The following SH3RF2 variants were observed in gnomAD, a reference collection of about 807,000 sequenced individuals.
SH3RF2 encodes the protein SH3 domain containing ring finger 2.
A neutral mutation model predicts 59.0 loss-of-function variants in SH3RF2; 43 were observed. The observed-to-expected ratio is 0.73, with a 90% CI of 0.57 to 0.94. The LOEUF is 0.94. Ranked by LOEUF, SH3RF2 falls within the 40% of genes least tolerant of loss-of-function variation. The probability of loss-of-function intolerance (pLI) is 0.00; values close to 1 mark genes in which losing one functional copy is unlikely to be tolerated. For synonymous variants in SH3RF2, 391 were observed against 391.5 expected (o/e 1.00, Z 0.01); for missense variants, 930 against 940.1 (o/e 0.99, Z 0.14).
chr5:145,977,458 C>T (rs558452929), intron 2 of SH3RF2, among the ~76,000 whole-genome samples: 76 of 152,128 alleles, frequency 5.0e-4, no homozygotes, highest in Non-Finnish European at 1.0e-4. Flanking sequence ...GTACAAGGTA[C>T]CCAGCCAAGG....
At chr5:146,051,021 G>A (rs1183785325) in intron 7 of SH3RF2, among the ~76,000 whole-genome samples, 2 of 152,212 alleles carry the variant, frequency 1.3e-5, no homozygotes, top group Non-Finnish European at 2.9e-5. Flanking sequence ...GATCACCTGA[G>A]GTCAGGAGTT....
At chr5:146,055,956 TAAA>T (rs759253454) in intron 7 of SH3RF2, 22 bp from the exon 8 acceptor site, 2 of 1,515,728 alleles carry the variant, frequency 1.3e-6, no homozygotes, top group Non-Finnish European at 1.8e-6. Flanking sequence ...TTTCTTCTCT[TAAA>T]AAAAAAATTT....
At chr5:146,061,313 C>T (rs1762882531) in intron 9 of SH3RF2, among the ~76,000 whole-genome samples, 1 of 152,182 alleles carries the variant, frequency 6.6e-6, no homozygotes, top group South Asian at 2.1e-4. Flanking sequence ...ATGCAAAACT[C>T]ATGCTCTTAC....
At chr5:146,067,000 G>A (rs1400776982), downstream of SH3RF2, among the ~76,000 whole-genome samples, 1 of 152,070 alleles carries the variant, frequency 6.6e-6, no homozygotes, top group Non-Finnish European at 1.5e-5. Context: ...CCCAGCTGGG[G>A]ACATACTCTG....
At position 146,063,236 on chromosome 5, in the gene SH3RF2, G is replaced by C. The variant is rs946812289; in HGVS notation, c.*535G>C. On this transcript the variant is annotated 3_prime_UTR_variant, in exon 10 of 10. Coordinates refer to ENST00000359120, the MANE Select transcript of SH3RF2 (RefSeq NM_152550.4). ...GCTGCAAAGGGAGGATTTCTGCGCG[G>C]GGTGTGAGGTGGATACTTTGAACAT... 1 of 153,180 alleles carries C rather than the reference G, an allele frequency of 6.5e-6. No individual in the cohort carries two copies. The highest frequency in any genetic ancestry group is 2.4e-5 in the African/African-American group (1 of 41,426). 9.5% of individuals were successfully genotyped at this position (153,180 alleles called of 1,614,324 possible). A position where few individuals can be genotyped will look rare whatever the true frequency, so the allele number is the denominator to read the frequency against.
At chr5:146,062,393 A>G in intron 9 of SH3RF2, 33 bp from the exon 10 acceptor site, 1 of 1,604,748 alleles carries the variant, frequency 6.2e-7, no homozygotes, top group Non-Finnish European at 8.5e-7. Flanking sequence ...CTCCCACCTC[A>G]CCTGTGTCCA....
rs749452925 is a variant in SH3RF2 at position 146,060,261 on chromosome 5, G to C, written c.1914+37G>C. The C allele has an allele frequency of 8.5e-6, 13 of 1,535,812 alleles. No individual in the cohort carries two copies. In the South Asian group the frequency reaches 1.6e-4, roughly 19 times the overall value. On this transcript the variant is annotated intron_variant, in intron 9 of 9. Coordinates refer to ENST00000359120, the MANE Select transcript of SH3RF2 (RefSeq NM_152550.4). ...GTGACATTGGGGGCCCAACTCTTTC[G>C]ATCCCGTACTATGCATAGTGTCTCA... is the stretch of plus-strand genomic sequence containing the variant.
At chr5:145,950,323 A>G (rs960673279) in intron 2 of SH3RF2, among the ~76,000 whole-genome samples, 3 of 152,112 alleles carry the variant, frequency 2.0e-5, no homozygotes, top group Admixed American at 6.6e-5. Context: ...CCCTTTTGCA[A>G]CCTCATGGAG....
intron 9 of SH3RF2, among the ~76,000 whole-genome samples, chr5:146,070,249 C>T (rs537767879): frequency 1.3e-5 from 2 of 152,254 alleles, no homozygotes; most frequent in South Asian, 2.1e-4. Context: ...CAACTATCAA[C>T]GTGGTTGAGA....
chr5:146,066,752 T>A (rs73313928), downstream of SH3RF2, among the ~76,000 whole-genome samples: 5,297 of 152,250 alleles, frequency 0.035, 311 homozygotes, highest in African/African-American at 0.12. Context: ...CTTAGAGGAA[T>A]TTATTCCTTT....
intron 2 of SH3RF2, among the ~76,000 whole-genome samples, chr5:145,970,001 C>T (rs1173404638): frequency 2.6e-5 from 4 of 152,062 alleles, no homozygotes; most frequent in South Asian, 2.1e-4. Context: ...AGAAGAGATT[C>T]GGGTGCAAAA....
intron 2 of SH3RF2, among the ~76,000 whole-genome samples, chr5:145,953,059 A>G (rs1421858817): frequency 2.0e-5 from 3 of 152,156 alleles, no homozygotes; most frequent in Non-Finnish European, 2.9e-5. Context: ...TGAATTGCAC[A>G]GAAATGGTAA....
Position 146,076,065 on chromosome 5 carries a change from G to A in SH3RF2, c.*34-2395G>A, listed in dbSNP as rs571549196. On this transcript the variant is annotated intron_variant, in intron 9 of 9. Transcript: ENST00000511217. ...TATTAAAATGTCAGTTGATCTTAGA[G>A]TGGAAGTTCTTTCTACATCATTTAG... 2.5e-3 allele frequency among the ~76,000 whole-genome samples: 378 copies of A among 152,260 alleles called. 3 individuals carry two copies. The highest frequency in any genetic ancestry group is 8.9e-3 in the African/African-American group (370 of 41,552).
At chr5:146,064,667 AAAGAAAGAAAGAAAGAAAGAAAGAAAG>A (rs1763014899), downstream of SH3RF2, among the ~76,000 whole-genome samples, 14 of 4,290 alleles carry the variant, frequency 3.3e-3, no homozygotes, top group East Asian at 8.9e-3. Context: ...AGAGAAAGAG[AAAGAAAGAAAGAAAGAAAGAAAGAAAG>A]AAAGAAAGAA....
chr5:145,989,026 T>G (rs950813570), intron 2 of SH3RF2, among the ~76,000 whole-genome samples: 2 of 152,196 alleles, frequency 1.3e-5, no homozygotes, highest in African/African-American at 4.8e-5. Context: ...TTTTGACCCC[T>G]TACCTTATCA....
chr5:145,982,434 C>T (rs1187036044), intron 2 of SH3RF2, among the ~76,000 whole-genome samples: 1 of 152,210 alleles, frequency 6.6e-6, no homozygotes, highest in African/African-American at 2.4e-5. Context: ...CGAGAGGAGG[C>T]AAGCACTTGC....
chr5:145,954,398 G>A (rs1758312971), intron 2 of SH3RF2, among the ~76,000 whole-genome samples: 1 of 152,084 alleles, frequency 6.6e-6, no homozygotes, highest in African/African-American at 2.4e-5. Context: ...CTTTTTAATA[G>A]GGTTGTTTGT....
chr5:146,007,605 G>A (rs891506313), intron 4 of SH3RF2, among the ~76,000 whole-genome samples: 1 of 152,122 alleles, frequency 6.6e-6, no homozygotes, highest in African/African-American at 2.4e-5. Context: ...TCTGGGCTGG[G>A]GGGGAAGGCA....
intron 2 of SH3RF2, among the ~76,000 whole-genome samples, chr5:145,940,301 T>C (rs1354469194): frequency 6.6e-6 from 1 of 152,192 alleles, no homozygotes; most frequent in African/African-American, 2.4e-5. Context: ...GTCCTAACTA[T>C]CCTTTCTTGA....
Sources: gnomAD v4.1 joint callset for allele counts (sites outside exome capture counted in the v4.1 genomes callset) on GRCh38, gnomAD v4.1.1 for gene constraint, MANE v1.5 for transcripts, NCBI Gene and HGNC (gene_info 2026-07-23, HGNC 2026-07-21) for gene names.